Variants in WDR7 observed in about 807,000 individuals in gnomAD.
The protein encoded by WDR7 is WD repeat-containing protein 7.
Under a neutral mutation model 169.4 loss-of-function variants are expected in WDR7, and 46 were observed. The observed-to-expected ratio is 0.27, with a 90% confidence interval of 0.21 to 0.35. The LOEUF is 0.35. Ranked by LOEUF, WDR7 falls within the 10% of genes least tolerant of loss-of-function variation. The probability of loss-of-function intolerance (pLI) is 1.00; values close to 1 mark genes in which losing one functional copy is unlikely to be tolerated. For missense variants in WDR7, 1,534 were observed against 1,859.3 expected, an observed-to-expected ratio of 0.83 and a Z score of 3.22; for synonymous variants, 612 against 666.8, an observed-to-expected ratio of 0.92 and a Z score of 1.27.
intron 19 of WDR7, among the ~76,000 whole-genome samples, chr18:56,785,222 C>T (rs918511994): frequency 5.9e-5 from 9 of 152,128 alleles, no homozygotes; most frequent in African/African-American, 2.2e-4. Flanking sequence ...GGTAGACAGC[C>T]CACACCTGCC....
intron 26 of WDR7, among the ~76,000 whole-genome samples, chr18:56,995,129 A>G (rs1185815206): frequency 6.6e-6 from 1 of 152,224 alleles, no homozygotes; most frequent in Non-Finnish European, 1.5e-5. Context: ...TAAGGATATT[A>G]AATTCTGAAA....
At chr18:56,718,791 A>G (rs1350782509) in intron 13 of WDR7, among the ~76,000 whole-genome samples, 4 of 152,124 alleles carry the variant, frequency 2.6e-5, no homozygotes, top group African/African-American at 7.2e-5. Context: ...TACTTTCACA[A>G]TTTTCACTAA....
chr18:56,935,220 G>A (rs1008896298), intron 22 of WDR7, among the ~76,000 whole-genome samples: 4 of 152,088 alleles, frequency 2.6e-5, no homozygotes, highest in African/African-American at 7.2e-5. Context: ...AACTGTTGGT[G>A]GAGCATGCTG....
chr18:56,938,543 A>G lies in WDR7; in HGVS notation c.3842A>G (p.His1281Arg). ...ITTIAKEVHRHTALAANTQSQ... is the reference protein window; with the variant it reads ...ITTIAKEVHRRTALAANTQSQ... Reference sequence around the variant, plus strand: ...AGAAATGTTTTGTAGGTACACAGACATACGGCTCTTGCAGCAAATACCCAA... The same window carrying G: ...AGAAATGTTTTGTAGGTACACAGACGTACGGCTCTTGCAGCAAATACCCAA... The change falls in exon 24 of 28, where the codon CAT becomes CGT. Residue 1281 changes from histidine (H) to arginine (R), a missense_variant. By Grantham distance (29) the His-to-Arg change is conservative (BLOSUM62 0). Coordinates refer to ENST00000254442, the MANE Select transcript of WDR7 (RefSeq NM_015285.3). The G allele has an allele frequency of 6.2e-7, 1 of 1,613,978 alleles. No individual in the cohort carries two copies. The highest frequency in any genetic ancestry group is 8.5e-7 in the Non-Finnish European group (1 of 1,179,866).
intron 5 of WDR7, among the ~76,000 whole-genome samples, chr18:56,685,417 A>T (rs1250515635): frequency 1.3e-5 from 2 of 152,176 alleles, no homozygotes; most frequent in Non-Finnish European, 2.9e-5. Flanking sequence ...TCCAATGCTC[A>T]TCCTCTCAAA....
chr18:57,017,283 C>G (rs1201825083), intron 26 of WDR7, among the ~76,000 whole-genome samples: 1 of 152,238 alleles, frequency 6.6e-6, no homozygotes, highest in Non-Finnish European at 1.5e-5. Context: ...GCGAACTTCC[C>G]TGCACTGCTT....
chr18:56,716,030 A>AGT (rs10572330), intron 12 of WDR7, among the ~76,000 whole-genome samples: 48,700 of 146,272 alleles, frequency 0.33, 7,953 homozygotes, highest in East Asian at 0.4. Context: ...CATACGTAGC[A>AGT]GTGTGTGTGT....
At chr18:56,883,034 C>T (rs368276037) in intron 21 of WDR7, among the ~76,000 whole-genome samples, 51 of 151,968 alleles carry the variant, frequency 3.4e-4, no homozygotes, top group African/African-American at 1.2e-3. Context: ...CACAGTGAAA[C>T]CCCATCTCTA....
At chr18:56,924,701 T>C (rs8098480) in intron 22 of WDR7, among the ~76,000 whole-genome samples, 6,265 of 152,278 alleles carry the variant, frequency 0.041, 417 homozygotes, top group African/African-American at 0.14. Flanking sequence ...GGGGTCCTAT[T>C]GGTGGTGGAG....
chr18:56,986,127 T>TG (rs1200146053), intron 26 of WDR7, among the ~76,000 whole-genome samples: 3 of 122,764 alleles, frequency 2.4e-5, no homozygotes, highest in African/African-American at 9.0e-5. Context: ...TTTCAGCTTC[T>TG]TTGTGTGTGT....
intron 14 of WDR7, among the ~76,000 whole-genome samples, chr18:56,741,830 G>T (rs2043625748): frequency 6.6e-6 from 1 of 152,100 alleles, no homozygotes; most frequent in African/African-American, 2.4e-5. Flanking sequence ...AGGATTTTTG[G>T]CTCTTTTCCC....
chr18:56,991,216 G>A (rs139580298), intron 26 of WDR7, among the ~76,000 whole-genome samples: 2,759 of 145,750 alleles, frequency 0.019, 86 homozygotes, highest in African/African-American at 0.067. Flanking sequence ...GCACGATCGC[G>A]GCTCACCGCA....
intron 14 of WDR7, among the ~76,000 whole-genome samples, chr18:56,739,496 T>C (rs1048991217): frequency 1.3e-5 from 2 of 152,184 alleles, no homozygotes; most frequent in African/African-American, 4.8e-5. Flanking sequence ...TTTTGTTCAG[T>C]CAATATTATT....
intron 21 of WDR7, among the ~76,000 whole-genome samples, chr18:56,913,851 A>T (rs1223015803): frequency 1.3e-5 from 2 of 151,792 alleles, no homozygotes; most frequent in Non-Finnish European, 2.9e-5. Flanking sequence ...GACTCCTGTT[A>T]TAGTCCAACC....
intron 26 of WDR7, among the ~76,000 whole-genome samples, chr18:56,984,643 A>G (rs1392483042): frequency 1.3e-5 from 2 of 152,170 alleles, no homozygotes; most frequent in Non-Finnish European, 2.9e-5. Context: ...CCTTTTTTAT[A>G]TTTAAGTCAT....
intron 20 of WDR7, among the ~76,000 whole-genome samples, chr18:56,848,746 C>T (rs928083297): frequency 5.9e-5 from 9 of 152,112 alleles, no homozygotes; most frequent in East Asian, 3.9e-4. Context: ...CCTCCTTGCT[C>T]GCTCTTTCTC....
At chr18:57,008,985 A>G (rs997832103) in intron 26 of WDR7, among the ~76,000 whole-genome samples, 1 of 152,136 alleles carries the variant, frequency 6.6e-6, no homozygotes, top group Admixed American at 6.6e-5. Context: ...TATTCATAAA[A>G]CCAGCAAAGA....
chr18:56,697,075 TTA>T (rs2025719655), intron 12 of WDR7, among the ~76,000 whole-genome samples: 1 of 151,728 alleles, frequency 6.6e-6, no homozygotes, highest in African/African-American at 2.4e-5. Flanking sequence ...GTACTTTTTT[TTA>T]TTGTTTATTA....
intron 19 of WDR7, among the ~76,000 whole-genome samples, chr18:56,807,911 G>C (rs955266085): frequency 6.6e-6 from 1 of 152,132 alleles, no homozygotes; most frequent in African/African-American, 2.4e-5. Context: ...CTTACAGAAA[G>C]GCTTTTCTAC....
Sources: gnomAD v4.1 joint callset for allele counts (sites outside exome capture counted in the v4.1 genomes callset) on GRCh38, gnomAD v4.1.1 for gene constraint, MANE v1.5 for transcripts, NCBI Gene and HGNC (gene_info 2026-07-23, HGNC 2026-07-21) for gene names.